NAALADL2: variants seen among roughly 807,000 people sequenced by gnomAD.
NAALADL2 encodes the protein N-acetylated alpha-linked acidic dipeptidase like 2, also known as inactive N-acetylated-alpha-linked acidic dipeptidase-like protein 2.
A neutral mutation model predicts 87.2 loss-of-function variants in NAALADL2; 76 were observed. The ratio of observed to expected loss-of-function variants is 0.87; its 90% confidence interval spans 0.72 to 1.05. The LOEUF (loss-of-function observed/expected upper bound fraction) is 1.05. Among genes scored for constraint, NAALADL2 ranks in the 50% least tolerant of loss-of-function variants. NAALADL2 has a pLI of 0.00. For missense variants in NAALADL2, 1,089 were observed against 945.8 expected (o/e 1.15, Z -1.99); for synonymous variants, 354 against 331.0 (o/e 1.07, Z -0.75).
intron 2 of NAALADL2, among the ~76,000 whole-genome samples, chr3:174,678,902 C>T (rs868263488): frequency 6.6e-6 from 1 of 152,164 alleles, no homozygotes; most frequent in African/African-American, 2.4e-5. Flanking sequence ...CTATTTATTA[C>T]CTTAACTGCC....
rs146772824 is a variant in NAALADL2, at chr3:174,499,751, G to A, written c.-183-50818G>A. Among the ~76,000 whole-genome samples, 336 of 151,676 alleles carry A rather than the reference G, an allele frequency of 2.2e-3. 1 individual carries two copies. The highest frequency in any genetic ancestry group is 7.6e-3 in the African/African-American group (313 of 41,378). Reference sequence around the variant, plus strand: ...TTGTTCCTGTATATGTGGGTCTTTCGTTGGAATCTCTCTTTTGTTACATTG... The same window carrying A: ...TTGTTCCTGTATATGTGGGTCTTTCATTGGAATCTCTCTTTTGTTACATTG... On this transcript the variant is annotated intron_variant, in intron 1 of 3. Transcript: ENST00000434257.
chr3:175,589,854 G>T (rs142757750), intron 10 of NAALADL2, among the ~76,000 whole-genome samples: 1 of 150,132 alleles, frequency 6.7e-6, no homozygotes, highest in Non-Finnish European at 1.5e-5. Flanking sequence ...AAAAACCTTC[G>T]TGGCAGAGCA....
At chr3:175,555,508 C>G (rs996437202) in intron 9 of NAALADL2, among the ~76,000 whole-genome samples, 5 of 152,140 alleles carry the variant, frequency 3.3e-5, no homozygotes, top group African/African-American at 7.2e-5. Flanking sequence ...TATTCCTTAT[C>G]ATTTAAACAT....
chr3:174,814,911 C>A (rs1036932829), intron 3 of NAALADL2, among the ~76,000 whole-genome samples: 1 of 152,114 alleles, frequency 6.6e-6, no homozygotes, highest in Non-Finnish European at 1.5e-5. Flanking sequence ...AATTTTTATG[C>A]TGTAGGTAAA....
intron 2 of NAALADL2, among the ~76,000 whole-genome samples, chr3:175,181,793 G>T (rs934543792): frequency 1.6e-5 from 2 of 128,678 alleles, no homozygotes; most frequent in Non-Finnish European, 3.4e-5. Flanking sequence ...ATATATGTGT[G>T]TGTGTATATA....
intron 5 of NAALADL2, among the ~76,000 whole-genome samples, chr3:175,394,402 T>C (rs1769495651): frequency 6.6e-6 from 1 of 152,186 alleles, no homozygotes; most frequent in African/African-American, 2.4e-5. Flanking sequence ...AGGTGATGGA[T>C]AACTTAAATA....
chr3:175,759,694 G>T (rs930881366), intron 13 of NAALADL2, among the ~76,000 whole-genome samples: 18 of 152,154 alleles, frequency 1.2e-4, no homozygotes, highest in African/African-American at 4.3e-4. Context: ...ATGTATGTGG[G>T]CATGAGGGAA....
chr3:174,628,164 G>A (rs1029952848), intron 2 of NAALADL2, among the ~76,000 whole-genome samples: 10 of 152,134 alleles, frequency 6.6e-5, no homozygotes, highest in Non-Finnish European at 5.9e-5. Context: ...AAGTCATAGA[G>A]TGGAAAATGA....
chr3:174,799,843 G>A (rs189589805), intron 3 of NAALADL2, among the ~76,000 whole-genome samples: 1 of 152,232 alleles, frequency 6.6e-6, no homozygotes, highest in East Asian at 1.9e-4. Flanking sequence ...TCGAATATAA[G>A]GTCCAGGATG....
chr3:175,333,082 GCCCC>G (rs1761581341), intron 5 of NAALADL2, among the ~76,000 whole-genome samples: 1 of 152,112 alleles, frequency 6.6e-6, no homozygotes, highest in Non-Finnish European at 1.5e-5. Context: ...TGGACATGTA[GCCCC>G]CAGGCAGTGG....
At position 175,213,786 on chromosome 3, in the gene NAALADL2, C is replaced by T. The variant is rs539757908; in HGVS notation, c.546-20145C>T. Among the ~76,000 whole-genome samples the T allele has an allele frequency of 5.3e-5, 8 of 152,208 alleles. No homozygotes were observed. In the East Asian group the frequency reaches 1.5e-3, roughly 29 times the overall value. On this transcript the variant is annotated intron_variant, in intron 2 of 13. Coordinates refer to ENST00000454872, the MANE Select transcript of NAALADL2 (RefSeq NM_207015.3). ...AGTCTTAAGGGTCTTTAATAACTTGCCCACAATCATTTAGTTAGTAAGAGG... is the reference window on the plus strand; with the variant it reads ...AGTCTTAAGGGTCTTTAATAACTTGTCCACAATCATTTAGTTAGTAAGAGG...
intron 2 of NAALADL2, among the ~76,000 whole-genome samples, chr3:174,678,963 C>A (rs928759929): frequency 6.6e-6 from 1 of 152,046 alleles, no homozygotes; most frequent in Non-Finnish European, 1.5e-5. Context: ...AAGATAATAT[C>A]TTTCTTTTTG....
chr3:174,955,198 G>A (rs1391916084), intron 1 of NAALADL2, among the ~76,000 whole-genome samples: 1 of 151,982 alleles, frequency 6.6e-6, no homozygotes, highest in Admixed American at 6.6e-5. Flanking sequence ...AACTTTTCTT[G>A]AAATACAACT....
chr3:175,149,712 T>A (rs1204552486), intron 2 of NAALADL2, among the ~76,000 whole-genome samples: 1 of 152,174 alleles, frequency 6.6e-6, no homozygotes, highest in African/African-American at 2.4e-5. Flanking sequence ...TAAAACATAG[T>A]TATAAAAATG....
intron 11 of NAALADL2, among the ~76,000 whole-genome samples, chr3:175,660,061 A>T (rs761943937): frequency 1.1e-4 from 17 of 152,118 alleles, no homozygotes; most frequent in Non-Finnish European, 2.4e-4. Flanking sequence ...GGGCTTCAAA[A>T]ATGGTGCTTT....
Position 174,753,092 on chromosome 3 carries a change from CCT to C in NAALADL2, c.-9+15347_-9+15348del, listed in dbSNP as rs745517649. ...AACAAATTTACCTTCTTGTTGATCCCCTTTTTGCTTTCTTTCTTTCTTTTTTT... is the reference window on the plus strand; with the variant it reads ...AACAAATTTACCTTCTTGTTGATCCCTTTTGCTTTCTTTCTTTCTTTTTTT... On this transcript the variant is annotated intron_variant, in intron 3 of 3. Coordinates refer to the NAALADL2 transcript ENST00000434257. Among the ~76,000 whole-genome samples the C allele has an allele frequency of 3.7e-4, 56 of 152,164 alleles. No individual in the cohort carries two copies. The East Asian group carries it at 9.7e-3, about 26-fold the overall frequency.
intron 4 of NAALADL2, among the ~76,000 whole-genome samples, chr3:175,273,815 A>G (rs974447303): frequency 2.0e-5 from 3 of 151,900 alleles, no homozygotes; most frequent in African/African-American, 7.3e-5. Flanking sequence ...GGTGGTTTTT[A>G]TTATTTTCTC....
chr3:174,860,965 C>T (rs763354167), intron 1 of NAALADL2, among the ~76,000 whole-genome samples: 2 of 151,842 alleles, frequency 1.3e-5, no homozygotes, highest in African/African-American at 2.4e-5. Context: ...ATCAGAAAAC[C>T]ATGCACAAAA....
rs369951535 is a variant in NAALADL2 at position 174,478,152 on chromosome 3, CTGGT to C, written c.-184+37123_-184+37126del. Among the ~76,000 whole-genome samples the C allele has an allele frequency of 1.7e-3, 256 of 152,102 alleles. 1 individual carries two copies. Among genetic ancestry groups the C allele is most frequent in the African/African-American group, 5.8e-3 (241 of 41,504 alleles). On this transcript the variant is annotated intron_variant, in intron 1 of 3. Coordinates refer to the NAALADL2 transcript ENST00000434257. ...TAACAATATATTTTACAAATACTGA[CTGGT>C]TGTGTTTTTAGAAACTTACGACTGA...
Sources: allele counts gnomAD v4.1 joint callset (sites outside exome capture counted in the v4.1 genomes callset), GRCh38; gene constraint gnomAD v4.1.1; transcripts MANE v1.5; gene names NCBI Gene and HGNC (gene_info 2026-07-23, HGNC 2026-07-21).